SPG11: variants seen among roughly 807,000 people sequenced by gnomAD.
The protein encoded by SPG11 is spatacsin.
In SPG11, 222 loss-of-function variants were observed where a neutral mutation model predicts 274.0. That is an observed-to-expected ratio of 0.81 (90% CI 0.73 to 0.91). The LOEUF (loss-of-function observed/expected upper bound fraction) is 0.91, where lower values mean the gene tolerates loss of function less well. SPG11 is among the 40% of genes least tolerant of loss of function. The pLI is 0.00. For missense variants in SPG11, 3,114 were observed against 2,872.7 expected (o/e 1.08, Z -1.92); for synonymous variants, 1,144 against 1,039.7 (o/e 1.10, Z -1.93).
rs1173205581 is a variant in SPG11, at chr15:44,621,842, T to C, written c.2537A>G (p.Asp846Gly). Residue 846 changes from aspartate to glycine, a missense_variant, in exon 14 of 40, where the codon GAC becomes GGC. Asp to Gly is a moderately conservative substitution (Grantham distance 94). Transcript: ENST00000261866. ...YDCKDEFNKQ[D>G]HRIVLNWALW... ...AGCCCAATTTAACACAATTCTATGG[T>C]CCTGTTTGTTAAATTCATCTTTACA... 20 of 1,613,682 alleles carry C rather than the reference T, an allele frequency of 1.2e-5. No individual in the cohort carries two copies. The highest frequency in any genetic ancestry group is 1.4e-5 in the Non-Finnish European group (17 of 1,179,754).
chr15:44,569,624 T>A, intron 34 of SPG11, 119 bp from the exon 35 acceptor site: 1 of 774,646 alleles, frequency 1.3e-6, no homozygotes, highest in South Asian at 1.5e-5. Flanking sequence ...AAGGGCTAAT[T>A]TCCAGGCTAC....
At chr15:44,631,965 C>A (rs1270353195) in intron 8 of SPG11, among the ~76,000 whole-genome samples, 1 of 151,622 alleles carries the variant, frequency 6.6e-6, no homozygotes. Flanking sequence ...CACACCACCA[C>A]GCACAGCTAA....
rs192249059 is a variant in SPG11, at chr15:44,570,070, C to G, written c.6477+455G>C. Among the ~76,000 whole-genome samples the G allele has an allele frequency of 3.3e-5, 5 of 152,310 alleles. No individual in the cohort carries two copies. In the East Asian group the frequency reaches 9.7e-4, roughly 29 times the overall value. ...CCATTCTCCTGGGCAGGCACTCTTC[C>G]TCTTTTCACCACTACTCATGACAGT... On this transcript the variant is annotated intron_variant, in intron 34 of 39. Transcript: ENST00000261866.
chr15:44,570,555 G>T lies in SPG11; in HGVS notation c.6447C>A (p.His2149Gln), dbSNP rs373897153. 16 of 1,614,056 alleles carry T rather than the reference G, an allele frequency of 9.9e-6. No individual in the cohort carries two copies. In the African/African-American group the frequency reaches 2.0e-4, roughly 20 times the overall value. ...LQAAHMLTDNHLAPSEEYGLV... is the reference protein window; with the variant it reads ...LQAAHMLTDNQLAPSEEYGLV... ...GCCCATACTCCTCACTGGGGGCCAG[G>T]TGGTTATCTGTGAGCATGTGGGCGG... The change falls in exon 34 of 40, where the codon CAC (histidine) becomes CAA (glutamine). Residue 2149 changes from histidine (H) to glutamine (Q), a missense_variant. Coordinates refer to ENST00000261866, the MANE Select transcript of SPG11 (RefSeq NM_025137.4).
chr15:44,644,153 C>T (rs2084538252), intron 7 of SPG11, among the ~76,000 whole-genome samples: 2 of 141,558 alleles, frequency 1.4e-5, no homozygotes, highest in Admixed American at 7.3e-5. Context: ...GGCAACAGAG[C>T]AAGACTCCAT....
intron 7 of SPG11, among the ~76,000 whole-genome samples, chr15:44,636,514 T>C (rs2141064867): frequency 6.6e-6 from 1 of 151,450 alleles, no homozygotes. Flanking sequence ...TACAAAAAAT[T>C]AGCCGGGCGT....
chr15:44,620,871 G>C (rs1200744431), intron 14 of SPG11: 1 of 159,442 alleles, frequency 6.3e-6, no homozygotes, highest in Non-Finnish European at 1.4e-5. Context: ...GCTAATTGTT[G>C]TATTTTTAGT....
intron 24 of SPG11, 58 bp downstream of exon 24, chr15:44,596,726 A>G: frequency 2.1e-6 from 3 of 1,397,518 alleles, no homozygotes; most frequent in Non-Finnish European, 3.0e-6. Context: ...AAAGAATGCT[A>G]TCTTCTAAGA....
chr15:44,600,373 C>T (rs368128467), intron 21 of SPG11, 94 bp downstream of exon 21: 11 of 1,404,116 alleles, frequency 7.8e-6, no homozygotes, highest in Admixed American at 3.4e-5. Context: ...CTTCCTTGAA[C>T]TCCTGGGCTC....
intron 16 of SPG11, 54 bp from the exon 17 acceptor site, chr15:44,613,590 T>C: frequency 8.5e-7 from 1 of 1,178,612 alleles, no homozygotes; most frequent in Admixed American, 1.8e-5. Context: ...GATAAGACAA[T>C]TACAACCATT....
At chr15:44,627,374 G>A (rs183379103) in intron 10 of SPG11, among the ~76,000 whole-genome samples, 5 of 152,134 alleles carry the variant, frequency 3.3e-5, no homozygotes, top group Admixed American at 2.6e-4. Context: ...TTTTGTCTAT[G>A]TGTACACATT....
At chr15:44,654,184 T>G (rs965107180) in intron 4 of SPG11, among the ~76,000 whole-genome samples, 2 of 152,208 alleles carry the variant, frequency 1.3e-5, no homozygotes, top group Non-Finnish European at 2.9e-5. Context: ...AAAAGTTACA[T>G]AGTTACTACT....
chr15:44,590,192 G>T (rs1053488238), intron 27 of SPG11, among the ~76,000 whole-genome samples: 4 of 152,190 alleles, frequency 2.6e-5, no homozygotes, highest in Non-Finnish European at 5.9e-5. Context: ...TTAGAAAGAC[G>T]TGCCTAACAT....
intron 27 of SPG11, chr15:44,590,479 T>G (rs1026660166): frequency 6.6e-6 from 1 of 152,126 alleles, no homozygotes; most frequent in African/African-American, 2.4e-5. Flanking sequence ...GTCTTCACTA[T>G]GTTGCCCAGG....
In SPG11 at chr15:44,574,955, G is replaced by A. The variant is rs1212179559; in HGVS notation, c.5953C>T (p.Leu1985Phe). 6.2e-7 allele frequency: 1 copy of A among 1,614,106 alleles called. No individual in the cohort carries two copies. The highest frequency in any genetic ancestry group is 2.2e-5 in the East Asian group (1 of 44,882). The change falls in exon 31 of 40, where the codon CTC (leucine) becomes TTC (phenylalanine). Residue 1985 changes from leucine (L) to phenylalanine (F), a missense_variant. Transcript: ENST00000261866. ...TGTCGACAGTAGTTCTTCCCATGGA[G>A]GCATTTGCTTGTCAGCACTTCCAGG... ...TNLEVLTSKC[L>F]HGKNYCRQVL...
intron 15 of SPG11, among the ~76,000 whole-genome samples, chr15:44,619,721 A>ATTTTTT (rs1231420239): frequency 7.4e-6 from 1 of 135,754 alleles, no homozygotes; most frequent in African/African-American, 2.8e-5. Context: ...AATGCATATG[A>ATTTTTT]TTTTTTTTTT....
At chr15:44,648,381 C>T (rs1267783857) in intron 7 of SPG11, among the ~76,000 whole-genome samples, 2 of 151,930 alleles carry the variant, frequency 1.3e-5, no homozygotes, top group East Asian at 1.9e-4. Context: ...GACATGGTGG[C>T]GCGTGCCTGT....
intron 17 of SPG11, among the ~76,000 whole-genome samples, chr15:44,612,547 T>C (rs114268432): frequency 0.032 from 4,819 of 152,156 alleles, 231 homozygotes; most frequent in African/African-American, 0.095. Context: ...TACAGGAGCA[T>C]GCCACCACAG....
In SPG11 at chr15:44,629,315, G is replaced by C. The variant is rs745375244; in HGVS notation, c.1809C>G (p.Ser603Arg). Residue 603 changes from serine (S) to arginine (R), a missense_variant, in exon 9 of 40, where the codon AGC (serine) becomes AGG (arginine). Coordinates refer to ENST00000261866, the MANE Select transcript of SPG11 (RefSeq NM_025137.4). ...AIRESYSEPQ[S>R]KHFSEQLLNL... ...TAAGCAATTGTTCTGAAAAGTGTTTGCTTTGGGGTTCAGAATAACTTTCTC... is the reference window on the plus strand; with the variant it reads ...TAAGCAATTGTTCTGAAAAGTGTTTCCTTTGGGGTTCAGAATAACTTTCTC... The C allele has an allele frequency of 2.5e-6, 4 of 1,614,068 alleles. No individual in the cohort carries two copies. Among genetic ancestry groups the C allele is most frequent in the Non-Finnish European group, 3.4e-6 (4 of 1,179,958 alleles).
Sources: allele counts gnomAD v4.1 joint callset (sites outside exome capture counted in the v4.1 genomes callset), GRCh38; gene constraint gnomAD v4.1.1; transcripts MANE v1.5; gene names NCBI Gene and HGNC (gene_info 2026-07-23, HGNC 2026-07-21).